The following CA10 variants were observed in gnomAD, a reference collection of about 807,000 sequenced individuals.
The protein encoded by CA10 is carbonic anhydrase-related protein 10.
Under a neutral mutation model 44.2 loss-of-function variants are expected in CA10, and 14 were observed. That is an observed-to-expected ratio of 0.32 (90% CI 0.21 to 0.50). The LOEUF (loss-of-function observed/expected upper bound fraction) is 0.50. Among genes scored for constraint, CA10 ranks in the 20% least tolerant of loss-of-function variants. The pLI, the probability that CA10 is intolerant of heterozygous loss-of-function variation, is 0.99. For synonymous variants in CA10, 159 were observed against 141.6 expected (o/e 1.12, Z -0.87); for missense variants, 350 against 409.7 (o/e 0.85, Z 1.26).
intron 2 of CA10, among the ~76,000 whole-genome samples, chr17:52,034,281 G>A (rs537773239): frequency 6.8e-4 from 103 of 152,250 alleles, no homozygotes; most frequent in African/African-American, 2.5e-3. Flanking sequence ...TGTGGTGATG[G>A]TTTCATGAGT....
At chr17:51,988,326 G>A (rs1018656459) in intron 2 of CA10, among the ~76,000 whole-genome samples, 5 of 151,816 alleles carry the variant, frequency 3.3e-5, no homozygotes, top group Admixed American at 6.6e-5. Flanking sequence ...AGAGAAATAA[G>A]GTAAGAAAAT....
Position 52,131,742 on chromosome 17 carries a change from G to A in CA10, c.61+25984C>T, listed in dbSNP as rs576758437. ...TTTCTGGATTTAGTTTATCAAAATA[G>A]ACTATATTGTATGTGTATTGGTGAA... On this transcript the variant is annotated intron_variant, in intron 1 of 8. Coordinates refer to ENST00000451037, the MANE Select transcript of CA10 (RefSeq NM_020178.5). Among the ~76,000 whole-genome samples, 4 of 152,192 alleles carry A rather than the reference G, an allele frequency of 2.6e-5. No homozygotes were observed. In the South Asian group the frequency reaches 8.3e-4, roughly 32 times the overall value.
chr17:51,809,679 A>G (rs984344712), intron 3 of CA10, among the ~76,000 whole-genome samples: 15 of 152,160 alleles, frequency 9.9e-5, no homozygotes, highest in African/African-American at 3.6e-4. Context: ...GGAGGACCTC[A>G]CTGGGCTTTA....
chr17:51,886,842 C>G (rs1164776247), intron 3 of CA10, among the ~76,000 whole-genome samples: 1 of 152,068 alleles, frequency 6.6e-6, no homozygotes, highest in Non-Finnish European at 1.5e-5. Context: ...CTTCTCTCAC[C>G]CTGGGATTTT....
chr17:52,134,456 T>C (rs1989306679), intron 1 of CA10, among the ~76,000 whole-genome samples: 1 of 152,150 alleles, frequency 6.6e-6, no homozygotes, highest in South Asian at 2.1e-4. Flanking sequence ...TCACTGAGTC[T>C]CAGTCTGTTC....
intron 2 of CA10, among the ~76,000 whole-genome samples, chr17:52,035,358 G>A (rs996316986): frequency 4.0e-5 from 6 of 151,828 alleles, no homozygotes; most frequent in African/African-American, 1.2e-4. Flanking sequence ...CCTCTCATCC[G>A]TCCCCTTTTC....
chr17:51,877,659 G>A (rs568333316), intron 3 of CA10, among the ~76,000 whole-genome samples: 22 of 152,250 alleles, frequency 1.4e-4, no homozygotes, highest in African/African-American at 3.6e-4. Context: ...ACCATCTAAG[G>A]TTCAAGGGGG....
chr17:52,043,496 G>A (rs1986827860), intron 2 of CA10, among the ~76,000 whole-genome samples: 1 of 151,862 alleles, frequency 6.6e-6, no homozygotes, highest in South Asian at 2.1e-4. Flanking sequence ...ATAAGATTAT[G>A]TCATCTGCAG....
chr17:51,716,508 T>C (rs1916119472), intron 4 of CA10, among the ~76,000 whole-genome samples: 2 of 152,168 alleles, frequency 1.3e-5, no homozygotes, highest in Non-Finnish European at 2.9e-5. Flanking sequence ...AGTTCACCCA[T>C]TGGCTAACTT....
intron 2 of CA10, among the ~76,000 whole-genome samples, chr17:51,960,526 A>G (rs1480134408): frequency 6.6e-6 from 1 of 152,048 alleles, no homozygotes; most frequent in African/African-American, 2.4e-5. Context: ...TTACATATAG[A>G]AAAAAATAAT....
intron 3 of CA10, among the ~76,000 whole-genome samples, chr17:51,840,787 A>T (rs1978313055): frequency 6.6e-6 from 1 of 152,210 alleles, no homozygotes; most frequent in South Asian, 2.1e-4. Flanking sequence ...TGAAAATACG[A>T]TATCAAAACC....
intron 4 of CA10, among the ~76,000 whole-genome samples, chr17:51,701,940 T>C (rs1281682703): frequency 6.6e-6 from 1 of 152,194 alleles, no homozygotes; most frequent in African/African-American, 2.4e-5. Context: ...CATCCTGCCC[T>C]GGGTCTTGTC....
intron 3 of CA10, among the ~76,000 whole-genome samples, chr17:51,828,207 C>T (rs1329371349): frequency 6.6e-6 from 1 of 152,092 alleles, no homozygotes; most frequent in Non-Finnish European, 1.5e-5. Context: ...AAGGGGGTGG[C>T]CTATGGCTGG....
intron 1 of CA10, among the ~76,000 whole-genome samples, chr17:52,137,911 T>C (rs1177113686): frequency 6.6e-6 from 1 of 152,140 alleles, no homozygotes; most frequent in Admixed American, 6.5e-5. Context: ...TGGACATTTG[T>C]CATGCTCCCT....
intron 4 of CA10, among the ~76,000 whole-genome samples, chr17:51,692,719 T>C (rs928934000): frequency 3.3e-5 from 5 of 152,250 alleles, no homozygotes; most frequent in African/African-American, 1.2e-4. Flanking sequence ...TTGGTGTTTC[T>C]AAGTTTTCAC....
chr17:51,926,574 C>G lies in CA10; in HGVS notation c.279+4416G>C, dbSNP rs530473496. ...ATTAAAGTGTCAGTAGGGCTGTATT[C>G]CTTCTGGAAGCTCCAAGGAAGAATC... On this transcript the variant is annotated intron_variant, in intron 3 of 8. Transcript: ENST00000451037. Among the ~76,000 whole-genome samples the G allele has an allele frequency of 2.0e-5, 3 of 152,252 alleles. No homozygotes were observed. The East Asian group carries it at 5.8e-4, about 30-fold the overall frequency.
At chr17:51,759,453 A>G (rs962658315) in intron 3 of CA10, among the ~76,000 whole-genome samples, 13 of 147,450 alleles carry the variant, frequency 8.8e-5, no homozygotes, top group Non-Finnish European at 1.5e-4. Flanking sequence ...TATATAAAAT[A>G]TTTAATATTT....
Position 51,649,238 on chromosome 17 carries a change from T to C in CA10, c.578A>G (p.Asn193Ser), listed in dbSNP as rs1294279823. ...SIFIKVSDSS[N>S]PFLNRMLNRD... is the part of the protein sequence containing the mutation. ...GTTGAGCATTCGATTAAGAAATGGG[T>C]TTGATGAATCAGAAACCTGGAGGAG... Residue 193 changes from asparagine to serine, a missense_variant, in exon 6 of 9, where the codon AAC becomes AGC. By Grantham distance (46) the Asn-to-Ser change is conservative. Coordinates refer to ENST00000451037, the MANE Select transcript of CA10 (RefSeq NM_020178.5). The C allele has an allele frequency of 1.2e-6, 2 of 1,612,868 alleles. No individual in the cohort carries two copies. The highest frequency in any genetic ancestry group is 1.1e-5 in the South Asian group (1 of 91,034).
intron 2 of CA10, among the ~76,000 whole-genome samples, chr17:52,049,676 G>T (rs948955648): frequency 6.6e-6 from 1 of 152,012 alleles, no homozygotes; most frequent in African/African-American, 2.4e-5. Context: ...TCATTTGTAT[G>T]TTGGCAGGAG....
Sources: allele counts gnomAD v4.1 joint callset (sites outside exome capture counted in the v4.1 genomes callset), GRCh38; gene constraint gnomAD v4.1.1; transcripts MANE v1.5; gene names NCBI Gene and HGNC (gene_info 2026-07-23, HGNC 2026-07-21).